The following MACROD2 variants were observed in gnomAD, a reference collection of about 807,000 sequenced individuals.
MACROD2 encodes mono-ADP ribosylhydrolase 2.
In MACROD2, 36 loss-of-function variants were observed where a neutral mutation model predicts 70.4. The observed-to-expected ratio is 0.51, with a 90% CI of 0.39 to 0.68. MACROD2 has a LOEUF of 0.68. Among genes scored for constraint, MACROD2 ranks in the 30% least tolerant of loss-of-function variants. The pLI, the probability that MACROD2 is intolerant of heterozygous loss-of-function variation, is 0.00. For missense variants in MACROD2, 496 were observed against 538.4 expected (o/e 0.92, Z 0.78); for synonymous variants, 172 against 178.8 (o/e 0.96, Z 0.30).
rs148396245 is a variant in MACROD2, at chr20:14,840,899, C to A, written c.418+155940C>A. ...GCAGGGCTAGTATGAGGACACTGCA[C>A]TCTGAAATAAGTCAGAGTGATTTGT... On this transcript the variant is annotated intron_variant, in intron 5 of 17. Transcript: ENST00000684519. Among the ~76,000 whole-genome samples, 314 of 152,150 alleles carry A rather than the reference C, an allele frequency of 2.1e-3. 2 individuals are homozygous for A. The highest frequency in any genetic ancestry group is 7.3e-3 in the African/African-American group (302 of 41,526).
chr20:15,335,410 A>G (rs1248304592), intron 6 of MACROD2, among the ~76,000 whole-genome samples: 1 of 151,508 alleles, frequency 6.6e-6, no homozygotes, highest in Non-Finnish European at 1.5e-5. Flanking sequence ...CTGTTGTAGA[A>G]AGTCTTATTT....
At chr20:15,759,005 G>A (rs1018798041) in intron 8 of MACROD2, among the ~76,000 whole-genome samples, 4 of 151,986 alleles carry the variant, frequency 2.6e-5, no homozygotes, top group Non-Finnish European at 5.9e-5. Context: ...AAAATTAGCC[G>A]GGCTTGCTGG....
At chr20:14,970,428 A>G (rs898091898) in intron 5 of MACROD2, among the ~76,000 whole-genome samples, 1 of 152,118 alleles carries the variant, frequency 6.6e-6, no homozygotes, top group African/African-American at 2.4e-5. Flanking sequence ...AAGGAAAACA[A>G]TCTTGAAATT....
intron 3 of MACROD2, chr20:14,325,398 A>T: frequency 1.5e-6 from 1 of 663,738 alleles, no homozygotes; most frequent in Non-Finnish European, 2.3e-6. Context: ...TGAAACTTTT[A>T]ATAAAAAGTT....
At chr20:14,852,759 A>C (rs1260965714) in intron 5 of MACROD2, among the ~76,000 whole-genome samples, 1 of 152,120 alleles carries the variant, frequency 6.6e-6, no homozygotes, top group African/African-American at 2.4e-5. Flanking sequence ...TTTTGCAGAA[A>C]TTTGCTTTCA....
chr20:15,069,629 A>G (rs1460750269), intron 5 of MACROD2, among the ~76,000 whole-genome samples: 1 of 152,234 alleles, frequency 6.6e-6, no homozygotes, highest in Non-Finnish European at 1.5e-5. Flanking sequence ...TTCAGCTATA[A>G]GGGCCCCAGG....
intron 5 of MACROD2, among the ~76,000 whole-genome samples, chr20:15,089,936 A>G (rs1321129648): frequency 2.0e-5 from 3 of 152,180 alleles, no homozygotes; most frequent in East Asian, 1.9e-4. Context: ...TAAACCCTGA[A>G]TAGTTTGAAA....
intron 3 of MACROD2, chr20:14,323,800 G>T (rs950719718): frequency 2.6e-5 from 4 of 152,066 alleles, no homozygotes; most frequent in Admixed American, 2.0e-4. Context: ...TCTACTAAAA[G>T]GCTATTTTAA....
intron 5 of MACROD2, among the ~76,000 whole-genome samples, chr20:14,898,855 C>A (rs1009501348): frequency 5.9e-5 from 9 of 152,256 alleles, no homozygotes; most frequent in African/African-American, 2.2e-4. Flanking sequence ...GGCCCTCCCT[C>A]CCAACAAATA....
At chr20:14,019,164 A>G (rs1370172780) in intron 2 of MACROD2, among the ~76,000 whole-genome samples, 1 of 152,190 alleles carries the variant, frequency 6.6e-6, no homozygotes, top group Non-Finnish European at 1.5e-5. Context: ...CCTATTTATC[A>G]AGACAAGGGA....
intron 2 of MACROD2, among the ~76,000 whole-genome samples, chr20:14,006,416 A>G (rs898479277): frequency 6.6e-6 from 1 of 152,230 alleles, no homozygotes; most frequent in Non-Finnish European, 1.5e-5. Flanking sequence ...CATATGTCAT[A>G]TAAATTTTAT....
chr20:15,231,968 T>A (rs996361638), intron 6 of MACROD2, among the ~76,000 whole-genome samples: 2 of 152,022 alleles, frequency 1.3e-5, no homozygotes, highest in South Asian at 4.1e-4. Flanking sequence ...TCCAACGAAA[T>A]TGATCATCAT....
intron 5 of MACROD2, among the ~76,000 whole-genome samples, chr20:15,147,707 G>A (rs1040566943): frequency 6.6e-5 from 10 of 152,136 alleles, no homozygotes; most frequent in Admixed American, 3.9e-4. Context: ...ATGTGCGTCC[G>A]TGTGAACAGA....
At position 15,293,561 on chromosome 20, in the gene MACROD2, T is replaced by C. The variant is rs1600208113; in HGVS notation, c.540+63500T>C. ...GTCAACGTTCAAAGCAGAAAAAGTTTGCATGATTGTGCCTGAGGGCACATG... is the reference window on the plus strand; with the variant it reads ...GTCAACGTTCAAAGCAGAAAAAGTTCGCATGATTGTGCCTGAGGGCACATG... On this transcript the variant is annotated intron_variant, in intron 6 of 17. Transcript: ENST00000684519. Among the ~76,000 whole-genome samples the C allele has an allele frequency of 7.2e-5, 11 of 152,326 alleles. No individual in the cohort carries two copies. The South Asian group carries it at 2.3e-3, about 32-fold the overall frequency.
At chr20:16,032,545 AGAAG>A (rs1283780664) in intron 15 of MACROD2, among the ~76,000 whole-genome samples, 2 of 151,256 alleles carry the variant, frequency 1.3e-5, no homozygotes, top group African/African-American at 4.9e-5. Flanking sequence ...GGAAGGAGAA[AGAAG>A]GGAGGCAGGG....
chr20:14,044,212 G>GTT (rs2053433768), intron 2 of MACROD2, among the ~76,000 whole-genome samples: 1 of 152,044 alleles, frequency 6.6e-6, no homozygotes, highest in South Asian at 2.1e-4. Flanking sequence ...GACTTTCGCG[G>GTT]TGAGTGTTAC....
intron 5 of MACROD2, among the ~76,000 whole-genome samples, chr20:15,103,228 CCTT>C (rs2075886757): frequency 6.6e-6 from 1 of 152,154 alleles, no homozygotes; most frequent in Non-Finnish European, 1.5e-5. Flanking sequence ...CAAGTTTCTT[CCTT>C]CTTTCCATTC....
rs190035866 is a variant in MACROD2 at position 15,856,497 on chromosome 20, G to T, written c.646-6248G>T. Reference sequence around the variant, plus strand: ...TGGCAAACTTAAAGGAAAGTCCTCCGAAATATCTTATGTTTTTGGTTCTAG... The same window carrying T: ...TGGCAAACTTAAAGGAAAGTCCTCCTAAATATCTTATGTTTTTGGTTCTAG... On this transcript the variant is annotated intron_variant, in intron 8 of 17. Coordinates refer to ENST00000684519, the MANE Select transcript of MACROD2 (RefSeq NM_001351661.2). 7.2e-5 allele frequency among the ~76,000 whole-genome samples: 11 copies of T among 152,232 alleles called. No homozygotes were observed. In the East Asian group the frequency reaches 1.2e-3, roughly 16 times the overall value.
chr20:15,663,232 ATTTTTTT>A (rs34234600), intron 8 of MACROD2, among the ~76,000 whole-genome samples: 2 of 129,826 alleles, frequency 1.5e-5, no homozygotes, highest in Non-Finnish European at 3.2e-5. Flanking sequence ...TCAGAATTTG[ATTTTTTT>A]TTTTTTTTTT....
Sources: allele counts gnomAD v4.1 joint callset (sites outside exome capture counted in the v4.1 genomes callset), GRCh38; gene constraint gnomAD v4.1.1; transcripts MANE v1.5; gene names NCBI Gene and HGNC (gene_info 2026-07-23, HGNC 2026-07-21).